BFSP1: variants seen among roughly 807,000 people sequenced by gnomAD.
BFSP1 encodes beaded filament structural protein 1, also known as filensin.
A neutral mutation model predicts 43.9 loss-of-function variants in BFSP1; 38 were observed. The ratio of observed to expected loss-of-function variants is 0.87; its 90% CI spans 0.67 to 1.14. The LOEUF (loss-of-function observed/expected upper bound fraction) is 1.14, where lower values mean the gene tolerates loss of function less well. Among genes scored for constraint, BFSP1 ranks in the 50% most tolerant of loss-of-function variants. The probability of loss-of-function intolerance (pLI) is 0.00; values close to 1 mark genes in which losing one functional copy is unlikely to be tolerated. For synonymous variants in BFSP1, 352 were observed against 354.8 expected, an observed-to-expected ratio of 0.99 and a Z score of 0.09; for missense variants, 850 against 875.1, an observed-to-expected ratio of 0.97 and a Z score of 0.36.
In BFSP1 at chr20:17,516,050, C is replaced by T. The variant is rs146335549; in HGVS notation, c.439-1234G>A. 5.9e-5 allele frequency among the ~76,000 whole-genome samples: 9 copies of T among 152,248 alleles called. No individual in the cohort carries two copies. The East Asian group carries it at 9.7e-4, about 16-fold the overall frequency. ...CACTCTTAAGAAAGGCACTTGGGGCCGGGTGTGGTGGCTCACACCTGTAGT... is the reference window on the plus strand; with the variant it reads ...CACTCTTAAGAAAGGCACTTGGGGCTGGGTGTGGTGGCTCACACCTGTAGT... On this transcript the variant is annotated intron_variant, in intron 2 of 7. Coordinates refer to ENST00000377873, the MANE Select transcript of BFSP1 (RefSeq NM_001195.5).
At position 17,520,211 on chromosome 20, in the gene BFSP1, C is replaced by T. The variant is rs976810184; in HGVS notation, c.438+4637G>A. The stretch of plus-strand genomic sequence containing the variant: ...GCCCAGGAGTCTGGGTTTTAACGTG[C>T]CCCCCCACCCCGCCCACCTTTCACC... On this transcript the variant is annotated intron_variant, in intron 2 of 7. Coordinates refer to ENST00000377873, the MANE Select transcript of BFSP1 (RefSeq NM_001195.5). Among the ~76,000 whole-genome samples the T allele has an allele frequency of 8.4e-5, 8 of 95,146 alleles. No individual in the cohort carries two copies. The Admixed American group carries it at 8.9e-4, about 11-fold the overall frequency. The allele number at this position is 95,146 out of a possible 152,430, so 62.4% of individuals were successfully genotyped here. A position where few individuals can be genotyped will look rare whatever the true frequency, so the allele number is the denominator to read the frequency against.
intron 2 of BFSP1, among the ~76,000 whole-genome samples, chr20:17,516,173 C>G (rs1215260273): frequency 6.6e-6 from 1 of 152,064 alleles, no homozygotes; most frequent in Non-Finnish European, 1.5e-5. Context: ...ACTAAAAGTA[C>G]AAAATTAGCT....
chr20:17,558,905 C>T lies in BFSP1; in HGVS notation c.-216G>A, dbSNP rs897802728. Reference sequence around the variant, plus strand: ...AAGGGGTGGGAGGGAAGGCTTTCCACAGGATAGAGAATATAAATGAGCAAG... The same window carrying T: ...AAGGGGTGGGAGGGAAGGCTTTCCATAGGATAGAGAATATAAATGAGCAAG... On this transcript the variant is annotated 5_prime_UTR_variant, in exon 1 of 8. Transcript: ENST00000377868. 34 of 560,558 alleles carry T rather than the reference C, an allele frequency of 6.1e-5. 3 individuals carry two copies. The Admixed American group carries it at 9.9e-4, about 16-fold the overall frequency. The allele number at this position is 560,558 out of a possible 1,614,324, so 34.7% of individuals were successfully genotyped here.
intron 1 of BFSP1, among the ~76,000 whole-genome samples, chr20:17,564,584 ACTTCTT>A (rs533830509): frequency 1.3e-5 from 2 of 151,548 alleles, no homozygotes; most frequent in African/African-American, 2.4e-5. Flanking sequence ...TTAAACTACT[ACTTCTT>A]CTTCTTCTTT....
At chr20:17,559,245 C>G (rs537314590), upstream of BFSP1, among the ~76,000 whole-genome samples, 1 of 152,100 alleles carries the variant, frequency 6.6e-6, no homozygotes, top group Admixed American at 6.5e-5. Context: ...AAAACAACAA[C>G]AACAACAACA....
chr20:17,530,969 C>T lies in BFSP1; in HGVS notation c.361G>A (p.Asp121Asn), dbSNP rs1211663333. Residue 121 changes from aspartate (D) to asparagine (N), a missense_variant, in exon 1 of 8, where the codon GAC (aspartate) becomes AAC (asparagine). By Grantham distance (23) the Asp-to-Asn change is conservative. Transcript: ENST00000377873. ...RQGTEAQRAL[D>N]EFRSKYENEC... ...GCCGCTTACTTGCTTCGGAACTCGT[C>T]GAGCGCGCGCTGCGCCTCGGTGCCC... 2 of 1,438,142 alleles carry T rather than the reference C, an allele frequency of 1.4e-6. No individual in the cohort carries two copies. The highest frequency in any genetic ancestry group is 1.8e-6 in the Non-Finnish European group (2 of 1,099,472). The allele number at this position is 1,438,142 out of a possible 1,614,324, so 89.1% of individuals were successfully genotyped here.
intron 1 of BFSP1, among the ~76,000 whole-genome samples, chr20:17,540,243 C>G (rs2034694553): frequency 6.6e-6 from 1 of 152,128 alleles, no homozygotes; most frequent in Non-Finnish European, 1.5e-5. Context: ...CCTCTACCAC[C>G]TGCCTGCTCA....
At chr20:17,549,761 G>A (rs1431624236) in intron 1 of BFSP1, among the ~76,000 whole-genome samples, 1 of 152,096 alleles carries the variant, frequency 6.6e-6, no homozygotes, top group East Asian at 1.9e-4. Flanking sequence ...ACTTAAACCC[G>A]GGGGGCAGAA....
rs976405071 is a variant in BFSP1, at chr20:17,494,342, G to A, written c.1730C>T (p.Thr577Ile). The change falls in exon 8 of 8, where the codon ACA (threonine) becomes ATA (isoleucine). Residue 577 changes from threonine (T) to isoleucine (I), a missense_variant. Transcript: ENST00000377873. The stretch of plus-strand genomic sequence containing the variant: ...TATAGATGGTTCCTCTGCACCGGGT[G>A]TGACCATGGCACAGGGTCTCCTGGA... ...EESRRPCAMV[T>I]PGAEEPSIPE... 4 of 1,614,148 alleles carry A rather than the reference G, an allele frequency of 2.5e-6. No homozygotes were observed. The highest frequency in any genetic ancestry group is 2.2e-5 in the South Asian group (2 of 91,084).
chr20:17,538,806 T>C (rs528424702), intron 1 of BFSP1, among the ~76,000 whole-genome samples: 1 of 152,328 alleles, frequency 6.6e-6, no homozygotes, highest in East Asian at 1.9e-4. Context: ...TTTACAGTTA[T>C]AATTTCTGTG....
At chr20:17,519,128 T>G (rs1397914839) in intron 2 of BFSP1, among the ~76,000 whole-genome samples, 1 of 152,156 alleles carries the variant, frequency 6.6e-6, no homozygotes, top group Admixed American at 6.5e-5. Context: ...TCAATCACTC[T>G]TAACAAAATG....
chr20:17,557,184 A>G (rs1387429022), intron 1 of BFSP1, among the ~76,000 whole-genome samples: 1 of 152,238 alleles, frequency 6.6e-6, no homozygotes, highest in African/African-American at 2.4e-5. Flanking sequence ...GCAAATACAG[A>G]GGGCCAGGCC....
chr20:17,496,616 C>G (rs1428975463), intron 7 of BFSP1, among the ~76,000 whole-genome samples: 1 of 152,148 alleles, frequency 6.6e-6, no homozygotes, highest in Admixed American at 6.5e-5. Context: ...GTACTTTTTG[C>G]CCAATTAAAT....
At chr20:17,561,511 A>AG (rs1230746250), upstream of BFSP1, among the ~76,000 whole-genome samples, 1 of 152,196 alleles carries the variant, frequency 6.6e-6, no homozygotes, top group African/African-American at 2.4e-5. Context: ...AGAAAAAAAA[A>AG]AAAAGAATGT....
At chr20:17,504,225 T>A (rs557441971) in intron 5 of BFSP1, among the ~76,000 whole-genome samples, 1 of 152,184 alleles carries the variant, frequency 6.6e-6, no homozygotes, top group Non-Finnish European at 1.5e-5. Flanking sequence ...TGGTCGCAGA[T>A]GCTCTACGGG....
At chr20:17,513,576 G>A (rs1186885652) in intron 3 of BFSP1, among the ~76,000 whole-genome samples, 1 of 152,238 alleles carries the variant, frequency 6.6e-6, no homozygotes, top group African/African-American at 2.4e-5. Flanking sequence ...GAGCAGACAG[G>A]CCTGGTGTAC....
At chr20:17,549,949 A>G (rs1368079600) in intron 1 of BFSP1, among the ~76,000 whole-genome samples, 1 of 152,220 alleles carries the variant, frequency 6.6e-6, no homozygotes, top group Non-Finnish European at 1.5e-5. Context: ...ACAATTAGAC[A>G]TGAAATTTGG....
Position 17,493,955 on chromosome 20 carries a change from G to T in BFSP1, c.*119C>A. On this transcript the variant is annotated 3_prime_UTR_variant, in exon 8 of 8. Transcript: ENST00000377873. ...AAGGCTTCGTTGGCAATGCCAGATG[G>T]GTCAACTATGGTCTAATCCAAACAG... 1.0e-6 allele frequency: 1 copy of T among 953,988 alleles called. No individual in the cohort carries two copies. Among genetic ancestry groups the T allele is most frequent in the Non-Finnish European group, 1.6e-6 (1 of 640,390 alleles). 59.1% of individuals were successfully genotyped at this position (953,988 alleles called of 1,614,324 possible).
chr20:17,500,271 A>G (rs2033764237), intron 5 of BFSP1, among the ~76,000 whole-genome samples: 1 of 152,220 alleles, frequency 6.6e-6, no homozygotes, highest in Admixed American at 6.5e-5. Context: ...ACAGAAAGAG[A>G]TAGTTTTATA....
Sources: allele counts gnomAD v4.1 joint callset (sites outside exome capture counted in the v4.1 genomes callset), GRCh38; gene constraint gnomAD v4.1.1; transcripts MANE v1.5; gene names NCBI Gene and HGNC (gene_info 2026-07-23, HGNC 2026-07-21).